OTULIN: variants seen among roughly 807,000 people sequenced by gnomAD.
The protein encoded by OTULIN is OTU deubiquitinase with linear linkage specificity, also known as ubiquitin thioesterase otulin.
In OTULIN, 15 loss-of-function variants were observed where a neutral mutation model predicts 39.6. The ratio of observed to expected loss-of-function variants is 0.38; its 90% CI spans 0.25 to 0.58. The LOEUF (loss-of-function observed/expected upper bound fraction) is 0.58, where lower values mean the gene tolerates loss of function less well. Ranked by LOEUF, OTULIN falls within the 20% of genes least tolerant of loss-of-function variation. The probability of loss-of-function intolerance (pLI) is 0.66; values close to 1 mark genes in which losing one functional copy is unlikely to be tolerated. For synonymous variants in OTULIN, 156 were observed against 170.3 expected (o/e 0.92, Z 0.65); for missense variants, 319 against 445.9 (o/e 0.72, Z 2.56).
chr5:14,709,472 C>T, the OTULIN span: 1 of 152,154 alleles, frequency 6.6e-6, no homozygotes, highest in Non-Finnish European at 1.5e-5. Flanking sequence ...CACTGGGTAC[C>T]CAGGAATGTG....
At chr5:14,683,170 T>C (rs1736298740) in intron 4 of OTULIN, among the ~76,000 whole-genome samples, 1 of 152,106 alleles carries the variant, frequency 6.6e-6, no homozygotes, top group African/African-American at 2.4e-5. Flanking sequence ...TGTTAGCTAC[T>C]CAGGAGGCTG....
intron 1 of OTULIN, among the ~76,000 whole-genome samples, chr5:14,668,504 G>C (rs1485028700): frequency 1.3e-5 from 2 of 152,198 alleles, no homozygotes; most frequent in Non-Finnish European, 2.9e-5. Flanking sequence ...GGGTTGAGTG[G>C]TCTTTGCTTT....
chr5:14,691,102 A>G (rs138291742), intron 6 of OTULIN, among the ~76,000 whole-genome samples: 4 of 152,344 alleles, frequency 2.6e-5, no homozygotes, highest in African/African-American at 9.6e-5. Flanking sequence ...CTAAGCCAAT[A>G]TAGTTGAGTC....
chr5:14,677,073 G>A (rs576232085), intron 2 of OTULIN, among the ~76,000 whole-genome samples: 7 of 152,126 alleles, frequency 4.6e-5, no homozygotes, highest in Admixed American at 4.6e-4. Flanking sequence ...ACTTTTCTTT[G>A]TAAAAGAATT....
downstream of OTULIN, among the ~76,000 whole-genome samples, chr5:14,699,925 C>T (rs953977934): frequency 3.3e-5 from 5 of 152,128 alleles, no homozygotes; most frequent in South Asian, 8.3e-4. Flanking sequence ...GTGCTTGAGA[C>T]GTCTTAACAA....
At chr5:14,681,772 C>A in intron 4 of OTULIN, 165 bp downstream of exon 4, 6 of 756,462 alleles carry the variant, frequency 7.9e-6, no homozygotes, top group Non-Finnish European at 1.2e-5. Flanking sequence ...AGTTAAATGA[C>A]CAAAAATAAT....
intron 4 of OTULIN, among the ~76,000 whole-genome samples, chr5:14,681,997 T>A (rs953416860): frequency 6.6e-6 from 1 of 152,236 alleles, no homozygotes; most frequent in Non-Finnish European, 1.5e-5. Flanking sequence ...TTAGTACTTT[T>A]GGCTAAGTGT....
intron 4 of OTULIN, among the ~76,000 whole-genome samples, chr5:14,683,043 A>T (rs1401464508): frequency 6.6e-6 from 1 of 152,230 alleles, no homozygotes; most frequent in African/African-American, 2.4e-5. Context: ...ACCAGGATTG[A>T]TGGGTGAAGG....
chr5:14,690,406 G>T lies in OTULIN; in HGVS notation c.864+98G>T. 7.0e-7 allele frequency: 1 copy of T among 1,428,002 alleles called. No homozygotes were observed. The highest frequency in any genetic ancestry group is 9.5e-7 in the Non-Finnish European group (1 of 1,054,860). The allele number at this position is 1,428,002 out of a possible 1,614,324, so 88.5% of individuals were successfully genotyped here. On this transcript the variant is annotated intron_variant, in intron 6 of 6. Coordinates refer to ENST00000284274, the MANE Select transcript of OTULIN (RefSeq NM_138348.6). This position sits in a 1 kb window ranked among gnomAD's most constrained non-coding sequence, Gnocchi z 4.5. ...TTTGTAGGTCAGAAATTCAGGGACA[G>T]CTTAGTTGGATGGTTCTGGCTCAGG...
At chr5:14,675,213 G>A (rs931342662) in intron 2 of OTULIN, among the ~76,000 whole-genome samples, 4 of 152,152 alleles carry the variant, frequency 2.6e-5, no homozygotes, top group Non-Finnish European at 4.4e-5. Context: ...ATTGAAATCC[G>A]TCCATAGCTT....
rs1736757548 is a variant in OTULIN at position 14,699,699 on chromosome 5, G to A, written c.*6651G>A. On this transcript the variant is annotated 3_prime_UTR_variant, in exon 7 of 7. Coordinates refer to ENST00000284274, the MANE Select transcript of OTULIN (RefSeq NM_138348.6). ...AAGCCCTTTACAACCATTAAATAAAGAACACCAGCTGCATTATGTGTGTTT... is the reference window on the plus strand; with the variant it reads ...AAGCCCTTTACAACCATTAAATAAAAAACACCAGCTGCATTATGTGTGTTT... 1 of 152,176 alleles carries A rather than the reference G, an allele frequency of 6.6e-6. No homozygotes were observed. Among genetic ancestry groups the A allele is most frequent in the African/African-American group, 2.4e-5 (1 of 41,438 alleles). 9.4% of individuals were successfully genotyped at this position (152,176 alleles called of 1,614,324 possible). A position where few individuals can be genotyped will look rare whatever the true frequency, so the allele number is the denominator to read the frequency against.
chr5:14,703,739 A>G (rs1736860498), downstream of OTULIN, among the ~76,000 whole-genome samples: 1 of 152,200 alleles, frequency 6.6e-6, no homozygotes, highest in Non-Finnish European at 1.5e-5. Context: ...GCCTGACCCT[A>G]TGCCATGGAC....
At chr5:14,715,359 G>C in the OTULIN span, among the ~76,000 whole-genome samples, 2 of 152,138 alleles carry the variant, frequency 1.3e-5, no homozygotes, top group African/African-American at 2.4e-5. Context: ...TCGAACTCCT[G>C]ACCTCAGATG....
the OTULIN span, chr5:14,705,630 C>T: frequency 2.0e-5 from 3 of 152,568 alleles, no homozygotes; most frequent in Non-Finnish European, 4.4e-5. Flanking sequence ...GTTCCCTGAT[C>T]AGTACATCAT....
chr5:14,697,556 AATAG>A lies in OTULIN; in HGVS notation c.*4514_*4517del, dbSNP rs1252832179. On this transcript the variant is annotated 3_prime_UTR_variant, in exon 7 of 7. Coordinates refer to ENST00000284274, the MANE Select transcript of OTULIN (RefSeq NM_138348.6). ...AATGGGTTTTGGTATGTATAATGGA[AATAG>A]ATAGAGTGGTTAAGTCTAGAAACAC... The A allele has an allele frequency of 5.9e-5, 9 of 152,164 alleles. No individual in the cohort carries two copies. Among genetic ancestry groups the A allele is most frequent in the African/African-American group, 9.7e-5 (4 of 41,436 alleles). The allele number at this position is 152,164 out of a possible 1,614,324, so 9.4% of individuals were successfully genotyped here.
the OTULIN span, chr5:14,710,115 C>T: frequency 2.6e-5 from 4 of 152,128 alleles, no homozygotes; most frequent in East Asian, 1.9e-4. Flanking sequence ...CTTGCTTTAT[C>T]GTATGGTGTG....
At chr5:14,715,812 T>G in the OTULIN span, among the ~76,000 whole-genome samples, 3 of 152,230 alleles carry the variant, frequency 2.0e-5, no homozygotes, top group African/African-American at 7.2e-5. Flanking sequence ...CTCATTCTTG[T>G]GTATAGTACA....
At chr5:14,670,485 T>G (rs1287170718) in intron 1 of OTULIN, among the ~76,000 whole-genome samples, 1 of 152,228 alleles carries the variant, frequency 6.6e-6, no homozygotes, top group Non-Finnish European at 1.5e-5. Context: ...TTGCTTATCT[T>G]TCTATTAGAC....
At chr5:14,665,437 G>C (rs551633240) in intron 1 of OTULIN, among the ~76,000 whole-genome samples, 7 of 152,336 alleles carry the variant, frequency 4.6e-5, no homozygotes, top group Admixed American at 4.6e-4. Context: ...AAGAGAATCT[G>C]ACCCATTCTC....
Sources: allele counts gnomAD v4.1 joint callset (sites outside exome capture counted in the v4.1 genomes callset), GRCh38; gene constraint gnomAD v4.1.1; non-coding constraint Gnocchi (gnomAD v3.1); transcripts MANE v1.5; gene names NCBI Gene and HGNC (gene_info 2026-07-23, HGNC 2026-07-21).